The following RANBP2 variants were observed in gnomAD, a reference collection of about 807,000 sequenced individuals.
RANBP2 encodes E3 SUMO-protein ligase RanBP2.
In RANBP2, 57 loss-of-function variants were observed where a neutral mutation model predicts 303.6. The ratio of observed to expected loss-of-function variants is 0.19; its 90% CI spans 0.15 to 0.23. RANBP2 has a LOEUF of 0.23. Ranked by LOEUF, RANBP2 falls within the 10% of genes least tolerant of loss-of-function variation. RANBP2 has a pLI of 1.00. For synonymous variants in RANBP2, 1,167 were observed against 1,301.5 expected, an observed-to-expected ratio of 0.90 and a Z score of 2.23; for missense variants, 3,138 against 3,780.8, an observed-to-expected ratio of 0.83 and a Z score of 4.46.
the RANBP2 span, among the ~76,000 whole-genome samples, chr2:109,570,245 T>C: frequency 6.6e-6 from 1 of 152,186 alleles, no homozygotes; most frequent in African/African-American, 2.4e-5. Context: ...TGACCATCTT[T>C]AAATGAGTGC....
At chr2:109,195,667 C>T in the RANBP2 span, among the ~76,000 whole-genome samples, 1 of 152,150 alleles carries the variant, frequency 6.6e-6, no homozygotes, top group South Asian at 2.1e-4. Context: ...CAGAGAGCTC[C>T]GCGTTTGCAT....
chr2:108,744,393 G>T (rs574161167), intron 7 of RANBP2, among the ~76,000 whole-genome samples: 1 of 145,784 alleles, frequency 6.9e-6, no homozygotes, highest in African/African-American at 2.7e-5. Context: ...GCGACAGAGC[G>T]AGACTCCATC....
the RANBP2 span, among the ~76,000 whole-genome samples, chr2:109,238,684 G>A: frequency 6.6e-6 from 1 of 152,134 alleles, no homozygotes; most frequent in Admixed American, 6.6e-5. Context: ...TCACAGGATG[G>A]CCTCACTCCA....
At chr2:109,257,326 A>G in the RANBP2 span, among the ~76,000 whole-genome samples, 2 of 151,238 alleles carry the variant, frequency 1.3e-5, no homozygotes, top group African/African-American at 4.9e-5. Context: ...GGGAAGGAGG[A>G]ATGAAGGAAA....
the RANBP2 span, among the ~76,000 whole-genome samples, chr2:109,605,216 A>T: frequency 6.6e-6 from 1 of 152,214 alleles, no homozygotes; most frequent in Non-Finnish European, 1.5e-5. Flanking sequence ...GCTGAATATA[A>T]TTATACCATA....
At chr2:109,274,807 G>T in the RANBP2 span, among the ~76,000 whole-genome samples, 2 of 151,970 alleles carry the variant, frequency 1.3e-5, no homozygotes, top group African/African-American at 4.8e-5. Flanking sequence ...CAATAAAAGA[G>T]CTAGTTCTAA....
chr2:109,612,597 ATC>A, the RANBP2 span, among the ~76,000 whole-genome samples: 7 of 152,234 alleles, frequency 4.6e-5, no homozygotes, highest in Non-Finnish European at 8.8e-5. Context: ...TTAAAAATAA[ATC>A]TAACATCAGC....
chr2:109,622,101 C>A, the RANBP2 span, among the ~76,000 whole-genome samples: 535 of 152,196 alleles, frequency 3.5e-3, 6 homozygotes, highest in African/African-American at 0.012. Context: ...TATATATACC[C>A]GATGAGGTTT....
At chr2:108,976,516 G>A in the RANBP2 span, among the ~76,000 whole-genome samples, 34 of 152,108 alleles carry the variant, frequency 2.2e-4, no homozygotes, top group South Asian at 4.1e-4. Flanking sequence ...CAGGCGGAGC[G>A]CACACTTAAG....
At chr2:109,064,842 C>G in the RANBP2 span, among the ~76,000 whole-genome samples, 1 of 152,082 alleles carries the variant, frequency 6.6e-6, no homozygotes, top group Non-Finnish European at 1.5e-5. Context: ...CTGTTTGACA[C>G]TTTTTAATCA....
At chr2:109,181,497 G>T in the RANBP2 span, among the ~76,000 whole-genome samples, 2 of 151,638 alleles carry the variant, frequency 1.3e-5, no homozygotes, top group African/African-American at 4.9e-5. Context: ...ACACACACAC[G>T]CACACTAACA....
the RANBP2 span, among the ~76,000 whole-genome samples, chr2:109,247,353 G>C: frequency 2.0e-5 from 3 of 152,192 alleles, no homozygotes; most frequent in East Asian, 5.8e-4. Context: ...AACTTCGTTA[G>C]TTTCTAGATC....
At chr2:108,898,150 C>G in the RANBP2 span, among the ~76,000 whole-genome samples, 1 of 152,132 alleles carries the variant, frequency 6.6e-6, no homozygotes, top group Non-Finnish European at 1.5e-5. Flanking sequence ...CACAGAAAAA[C>G]TGTGTCCCCA....
At chr2:109,642,388 CCAAA>C in the RANBP2 span, among the ~76,000 whole-genome samples, 9 of 152,188 alleles carry the variant, frequency 5.9e-5, no homozygotes, top group Non-Finnish European at 1.0e-4. Flanking sequence ...CTAAAAAGCG[CCAAA>C]CAAAGTTCTT....
the RANBP2 span, among the ~76,000 whole-genome samples, chr2:108,893,966 T>G: frequency 2.0e-5 from 3 of 152,094 alleles, no homozygotes; most frequent in Non-Finnish European, 4.4e-5. Flanking sequence ...TATCATTTTC[T>G]TTCTTTTAGA....
At chr2:109,361,178 C>T in the RANBP2 span, among the ~76,000 whole-genome samples, 3 of 152,134 alleles carry the variant, frequency 2.0e-5, no homozygotes, top group South Asian at 6.2e-4. Flanking sequence ...ATAAATTCCA[C>T]TTGGCTGTGG....
the RANBP2 span, among the ~76,000 whole-genome samples, chr2:109,305,108 T>C: frequency 6.6e-6 from 1 of 152,198 alleles, no homozygotes; most frequent in Non-Finnish European, 1.5e-5. Flanking sequence ...CTAAGAGACT[T>C]CTGATTATTC....
the RANBP2 span, among the ~76,000 whole-genome samples, chr2:109,718,284 A>C: frequency 1.1e-4 from 17 of 152,352 alleles, no homozygotes; most frequent in African/African-American, 4.1e-4. Flanking sequence ...TTATAGTAGC[A>C]TTTTCCATAA....
chr2:108,937,369 TGTGA>T, the RANBP2 span, among the ~76,000 whole-genome samples: 36 of 152,184 alleles, frequency 2.4e-4, no homozygotes, highest in Non-Finnish European at 4.4e-4. Context: ...AACATATGGG[TGTGA>T]GTGTGTGCAT....
Sources: gnomAD v4.1 joint callset for allele counts (sites outside exome capture counted in the v4.1 genomes callset) on GRCh38, gnomAD v4.1.1 for gene constraint, MANE v1.5 for transcripts, NCBI Gene and HGNC (gene_info 2026-07-23, HGNC 2026-07-21) for gene names.